The following EPB41L3 variants were observed in gnomAD, a reference collection of about 807,000 sequenced individuals.
EPB41L3 encodes band 4.1-like protein 3.
In EPB41L3, 57 loss-of-function variants were observed where a neutral mutation model predicts 127.1. The ratio of observed to expected loss-of-function variants is 0.45; its 90% CI spans 0.36 to 0.56. The LOEUF is 0.56. Ranked by LOEUF, EPB41L3 falls within the 20% of genes least tolerant of loss-of-function variation. The pLI is 0.00. For missense variants in EPB41L3, 1,273 were observed against 1,372.2 expected (o/e 0.93, Z 1.14); for synonymous variants, 572 against 549.5 (o/e 1.04, Z -0.57).
chr18:5,527,777 C>T (rs949929023), intron 1 of EPB41L3, among the ~76,000 whole-genome samples: 4 of 152,152 alleles, frequency 2.6e-5, no homozygotes, highest in South Asian at 2.1e-4. Context: ...AGGCCGAGGG[C>T]TCGGCAAGTC....
intron 1 of EPB41L3, among the ~76,000 whole-genome samples, chr18:5,618,439 AAAG>A (rs2094823199): frequency 6.6e-6 from 1 of 152,238 alleles, no homozygotes. Context: ...ACCATGGACT[AAAG>A]AAGGAGAATA....
chr18:5,440,496 T>C (rs1197453368), intron 5 of EPB41L3, among the ~76,000 whole-genome samples: 2 of 152,094 alleles, frequency 1.3e-5, no homozygotes, highest in African/African-American at 2.4e-5. Flanking sequence ...ATAAATAAGT[T>C]TGCAACTCTA....
At chr18:5,444,839 C>T (rs996192686) in intron 4 of EPB41L3, among the ~76,000 whole-genome samples, 2 of 152,018 alleles carry the variant, frequency 1.3e-5, no homozygotes, top group Non-Finnish European at 2.9e-5. Context: ...ACACATTACT[C>T]CCCCCAACCC....
At chr18:5,529,853 G>A (rs2093353107) in intron 1 of EPB41L3, among the ~76,000 whole-genome samples, 1 of 151,886 alleles carries the variant, frequency 6.6e-6, no homozygotes, top group African/African-American at 2.4e-5. Flanking sequence ...CTAGACATGG[G>A]TTCTGAAATG....
chr18:5,472,166 A>G (rs2086265098), intron 3 of EPB41L3, among the ~76,000 whole-genome samples: 1 of 152,204 alleles, frequency 6.6e-6, no homozygotes, highest in Non-Finnish European at 1.5e-5. Context: ...TGGATTTAAC[A>G]GTTTTAGTAA....
chr18:5,481,455 C>T (rs1350124746), intron 2 of EPB41L3, among the ~76,000 whole-genome samples: 1 of 152,132 alleles, frequency 6.6e-6, no homozygotes, highest in African/African-American at 2.4e-5. Context: ...TCCCCCAACT[C>T]GTAGAAAAAT....
chr18:5,575,474 T>G (rs1355696699), intron 3 of EPB41L3, among the ~76,000 whole-genome samples: 1 of 152,118 alleles, frequency 6.6e-6, no homozygotes, highest in Non-Finnish European at 1.5e-5. Context: ...TCTCTTGCCA[T>G]GTGACACCCC....
At position 5,433,498 on chromosome 18, in the gene EPB41L3, T is replaced by C. The variant is rs549147515; in HGVS notation, c.883A>G (p.Met295Val). The change falls in exon 8 of 23, where the codon ATG becomes GTG. Residue 295 changes from methionine (M) to valine (V), a missense_variant. Met to Val is a conservative substitution (Grantham distance 21, BLOSUM62 1). This residue lies in a region of EPB41L3 where 326 missense variants were observed against 440.2 expected (regional missense o/e 0.74). Transcript: ENST00000341928. ...GCATGATGTAAATCTACCCCATACA[T>C]TGATAATTTTTTGGCATTTTCCAAG... ...HFLENAKKLS[M>V]YGVDLHHAKD... The C allele has an allele frequency of 1.9e-6, 3 of 1,613,610 alleles. No homozygotes were observed. The highest frequency in any genetic ancestry group is 1.7e-6 in the Non-Finnish European group (2 of 1,179,750).
intron 3 of EPB41L3, among the ~76,000 whole-genome samples, chr18:5,455,632 T>A (rs764933210): frequency 1.3e-5 from 2 of 150,910 alleles, no homozygotes; most frequent in African/African-American, 4.9e-5. Context: ...TTTTTTTTTT[T>A]AATTGGTTCC....
chr18:5,411,719 A>G (rs781142217), intron 13 of EPB41L3, among the ~76,000 whole-genome samples: 1 of 151,932 alleles, frequency 6.6e-6, no homozygotes, highest in African/African-American at 2.4e-5. Flanking sequence ...TCTGGTTCTT[A>G]AAATAACCTC....
At chr18:5,476,380 G>T (rs1179631157) in intron 3 of EPB41L3, among the ~76,000 whole-genome samples, 1 of 152,174 alleles carries the variant, frequency 6.6e-6, no homozygotes, top group East Asian at 1.9e-4. Context: ...AATGTTCACA[G>T]TGACATTAAA....
intron 3 of EPB41L3, among the ~76,000 whole-genome samples, chr18:5,594,098 T>C (rs1424369393): frequency 2.6e-5 from 4 of 152,158 alleles, no homozygotes; most frequent in East Asian, 1.9e-4. Context: ...GCATAGGAAA[T>C]CACAAGGGTA....
At chr18:5,442,943 T>G (rs1013533201) in intron 5 of EPB41L3, among the ~76,000 whole-genome samples, 4 of 152,214 alleles carry the variant, frequency 2.6e-5, no homozygotes, top group African/African-American at 9.6e-5. Context: ...TGCAAACTGA[T>G]TTCCACTAAA....
intron 2 of EPB41L3, among the ~76,000 whole-genome samples, chr18:5,484,902 C>T (rs2089460173): frequency 6.6e-6 from 1 of 151,072 alleles, no homozygotes; most frequent in African/African-American, 2.4e-5. Flanking sequence ...TTCTATCAAA[C>T]ATGTAAAGAA....
At chr18:5,532,151 T>A (rs2093431737) in intron 1 of EPB41L3, among the ~76,000 whole-genome samples, 1 of 152,088 alleles carries the variant, frequency 6.6e-6, no homozygotes, top group African/African-American at 2.4e-5. Context: ...CTTGGTAAAA[T>A]GTTAAACATC....
rs145804896 is a variant in EPB41L3 at position 5,484,519 on chromosome 18, T to TAAAAAA, written c.183+4476_183+4481dup. ...AGAGCAGAAATAAATGAAATTGAGA[T>TAAAAAA]AAAAAAAAAATACAGAAGATCAACA... is the stretch of plus-strand genomic sequence containing the variant. On this transcript the variant is annotated intron_variant, in intron 2 of 22. Coordinates refer to ENST00000341928, the MANE Select transcript of EPB41L3 (RefSeq NM_012307.5). 7.3e-3 allele frequency among the ~76,000 whole-genome samples: 1,067 copies of TAAAAAA among 146,328 alleles called. 8 individuals carry two copies. Among genetic ancestry groups the TAAAAAA allele is most frequent in the African/African-American group, 0.024 (945 of 40,136 alleles).
At chr18:5,572,989 TA>T (rs2094299376) in intron 3 of EPB41L3, among the ~76,000 whole-genome samples, 1 of 152,084 alleles carries the variant, frequency 6.6e-6, no homozygotes, top group Admixed American at 6.5e-5. Context: ...ATAAAAGGAA[TA>T]AGGGGGAGCC....
At chr18:5,601,404 G>A (rs1785418) in intron 3 of EPB41L3, among the ~76,000 whole-genome samples, 64,994 of 152,010 alleles carry the variant, frequency 0.43, 14,173 homozygotes, top group Non-Finnish European at 0.47. Context: ...CCTGCTGGAA[G>A]TGCAAAGTTC....
chr18:5,586,813 T>G (rs1305516480), intron 3 of EPB41L3, among the ~76,000 whole-genome samples: 1 of 152,196 alleles, frequency 6.6e-6, no homozygotes, highest in Admixed American at 6.5e-5. Context: ...TTCGGTTTGC[T>G]CTATGAAGCC....
Sources: allele counts gnomAD v4.1 joint callset (sites outside exome capture counted in the v4.1 genomes callset), GRCh38; gene constraint gnomAD v4.1.1; regional missense constraint gnomAD v4.1.1; transcripts MANE v1.5; gene names NCBI Gene and HGNC (gene_info 2026-07-23, HGNC 2026-07-21).